Variants in MAP3K19 observed in about 807,000 individuals in gnomAD.
MAP3K19 encodes the protein mitogen-activated protein kinase kinase kinase 19.
A neutral mutation model predicts 114.4 loss-of-function variants in MAP3K19; 91 were observed. That is an observed-to-expected ratio of 0.80 (90% CI 0.67 to 0.95). The LOEUF (loss-of-function observed/expected upper bound fraction) is 0.95, where lower values mean the gene tolerates loss of function less well. Among genes scored for constraint, MAP3K19 ranks in the 40% least tolerant of loss-of-function variants. The pLI, the probability that MAP3K19 is intolerant of heterozygous loss-of-function variation, is 0.00. For synonymous variants in MAP3K19, 518 were observed against 530.5 expected (o/e 0.98, Z 0.32); for missense variants, 1,471 against 1,573.2 (o/e 0.94, Z 1.10).
intron 12 of MAP3K19, among the ~76,000 whole-genome samples, chr2:134,968,530 G>A (rs62168903): frequency 1.1e-3 from 125 of 118,456 alleles, no homozygotes; most frequent in South Asian, 4.1e-3. Flanking sequence ...GCTGCCGGGC[G>A]GAGACGCTCC....
chr2:134,988,870 C>T (rs535078992), intron 9 of MAP3K19, among the ~76,000 whole-genome samples: 1 of 152,198 alleles, frequency 6.6e-6, no homozygotes, highest in Admixed American at 6.5e-5. Flanking sequence ...TATTTCTCTT[C>T]TTTTTTCTTT....
At position 134,983,746 on chromosome 2, in the gene MAP3K19, T is replaced by C; in HGVS notation, c.3152A>G (p.Asn1051Ser). Reference protein sequence around the residue: ...ISNEKKIFSENSLKSEEPILW... With the variant: ...ISNEKKIFSESSLKSEEPILW... ...GATAGGTTCTTCAGACTTTAAACTA[T>C]TTTCAGAAAATATCTTCTTTTCATT... Residue 1051 changes from asparagine (N) to serine (S), a missense_variant, in exon 11 of 13, where the codon AAT becomes AGT. Coordinates refer to ENST00000392915, the MANE Select transcript of MAP3K19 (RefSeq NM_025052.5). 1 of 1,607,894 alleles carries C rather than the reference T, an allele frequency of 6.2e-7. No homozygotes were observed. Among genetic ancestry groups the C allele is most frequent in the Non-Finnish European group, 8.5e-7 (1 of 1,177,682 alleles).
intron 12 of MAP3K19, among the ~76,000 whole-genome samples, chr2:134,968,778 C>CT (rs1334819901): frequency 6.7e-6 from 1 of 150,330 alleles, no homozygotes; most frequent in Non-Finnish European, 1.5e-5. Flanking sequence ...CGCTCCTCAC[C>CT]TCCTAGATGT....
At position 135,032,498 on chromosome 2, in the gene MAP3K19, A is replaced by G. The variant is rs1167606115; in HGVS notation, c.-283-1998T>C. On this transcript the variant is annotated intron_variant, in intron 2 of 12. Transcript: ENST00000392915. ...AATGAAAACATATACTCACACCAAA[A>G]TGTTTACAGAAGCATTATTCATAGT... is the stretch of plus-strand genomic sequence containing the variant. Among the ~76,000 whole-genome samples the G allele has an allele frequency of 5.3e-5, 8 of 152,022 alleles. 1 individual carries two copies. Among genetic ancestry groups the G allele is most frequent in the African/African-American group, 1.2e-4 (5 of 41,542 alleles).
chr2:135,025,372 CTTTTCTTTTTTTTTTTTTTTTTT>C (rs1688217190), intron 3 of MAP3K19, among the ~76,000 whole-genome samples: 2 of 70,138 alleles, frequency 2.9e-5, no homozygotes, highest in African/African-American at 1.4e-4. Context: ...ATGGCCTTTT[CTTTTCTTTTTTTTTTTTTTTTTT>C]TTTTTTTTGA....
chr2:134,977,775 G>C (rs944796664), intron 12 of MAP3K19, among the ~76,000 whole-genome samples: 2 of 152,168 alleles, frequency 1.3e-5, no homozygotes, highest in African/African-American at 4.8e-5. Flanking sequence ...GGGATTACAA[G>C]CGTGGACCAC....
At chr2:135,029,263 C>T (rs920718392) in intron 3 of MAP3K19, among the ~76,000 whole-genome samples, 1 of 152,132 alleles carries the variant, frequency 6.6e-6, no homozygotes, top group East Asian at 1.9e-4. Context: ...GTAGTCCCAG[C>T]TACTCCAGAG....
intron 11 of MAP3K19, chr2:134,983,341 T>G: frequency 3.5e-6 from 2 of 564,856 alleles, no homozygotes; most frequent in Non-Finnish European, 7.1e-6. Context: ...CCTGGGAGGA[T>G]GAGAGGTTAG....
Position 134,981,634 on chromosome 2 carries a change from T to C in MAP3K19, c.3223-116A>G, listed in dbSNP as rs1573934759. 7.7e-6 allele frequency: 6 copies of C among 778,888 alleles called. No individual in the cohort carries two copies. The East Asian group carries it at 1.3e-4, about 17-fold the overall frequency. The allele number at this position is 778,888 out of a possible 1,614,324, so 48.2% of individuals were successfully genotyped here. A position where few individuals can be genotyped will look rare whatever the true frequency, so the allele number is the denominator to read the frequency against. ...TTCTAAACCCTTGTCTTTCTCTAAGTTGATACCTCCCTTCCTAAATGCAAA... is the reference window on the plus strand; with the variant it reads ...TTCTAAACCCTTGTCTTTCTCTAAGCTGATACCTCCCTTCCTAAATGCAAA... On this transcript the variant is annotated intron_variant, in intron 11 of 12. Coordinates refer to ENST00000392915, the MANE Select transcript of MAP3K19 (RefSeq NM_025052.5).
At chr2:135,039,605 A>G (rs943536362) in intron 2 of MAP3K19, among the ~76,000 whole-genome samples, 1 of 152,082 alleles carries the variant, frequency 6.6e-6, no homozygotes, top group African/African-American at 2.4e-5. Flanking sequence ...ACAAACAAAA[A>G]AACAAAGTCC....
chr2:134,987,454 C>G lies in MAP3K19; in HGVS notation c.1418G>C (p.Arg473Thr). Residue 473 changes from arginine to threonine, a missense_variant, in exon 10 of 13, where the codon AGA (arginine) becomes ACA (threonine). By Grantham distance (71) the Arg-to-Thr change is moderately conservative. Coordinates refer to ENST00000392915, the MANE Select transcript of MAP3K19 (RefSeq NM_025052.5). ...ETNIKISIAE[R>T]AKPEMSRMVP... ...CATCCTACTCATTTCTGGTTTGGCT[C>G]TTTCTGCTATTGATATTTTTATGTT... The G allele has an allele frequency of 1.9e-6, 3 of 1,614,134 alleles. No individual in the cohort carries two copies. Among genetic ancestry groups the G allele is most frequent in the Non-Finnish European group, 2.5e-6 (3 of 1,180,042 alleles).
At chr2:135,039,475 T>G (rs1270043001) in intron 2 of MAP3K19, among the ~76,000 whole-genome samples, 1 of 151,780 alleles carries the variant, frequency 6.6e-6, no homozygotes, top group Non-Finnish European at 1.5e-5. Context: ...TCCAGCGACT[T>G]GGGAGACTGA....
chr2:134,987,129 G>A lies in MAP3K19; in HGVS notation c.1743C>T (p.Asp581=). ...ACCTGGGCAATTGCCAAGGCCTGGG[G>A]TCCACAAGTCCCAAAGCCGGGAAAA... The part of the protein sequence containing the change: ...TQIFPALGLV[D]PRPWQLPRFQ... The change falls in exon 10 of 13, where the codon GAC becomes GAT. Residue 581 remains aspartate, a synonymous_variant. Coordinates refer to ENST00000392915, the MANE Select transcript of MAP3K19 (RefSeq NM_025052.5). 1 of 1,613,974 alleles carries A rather than the reference G, an allele frequency of 6.2e-7. No individual in the cohort carries two copies. Among genetic ancestry groups the A allele is most frequent in the Non-Finnish European group, 8.5e-7 (1 of 1,180,022 alleles).
At chr2:135,003,581 G>T (rs768923419) in intron 6 of MAP3K19, among the ~76,000 whole-genome samples, 4 of 151,934 alleles carry the variant, frequency 2.6e-5, no homozygotes, top group African/African-American at 7.3e-5. Context: ...TTGAGACGGA[G>T]CCTCACTCTG....
At chr2:135,046,942 T>C (rs1688757808) in intron 1 of MAP3K19, among the ~76,000 whole-genome samples, 4 of 152,250 alleles carry the variant, frequency 2.6e-5, no homozygotes, top group African/African-American at 9.6e-5. Context: ...ACACTTTTCT[T>C]GTCATTAGTA....
At chr2:135,038,124 G>A (rs1688572080) in intron 2 of MAP3K19, among the ~76,000 whole-genome samples, 1 of 152,080 alleles carries the variant, frequency 6.6e-6, no homozygotes, top group Admixed American at 6.6e-5. Context: ...TGGGCTGGCA[G>A]AAGGCACTTA....
chr2:135,044,142 T>C (rs962409769), intron 1 of MAP3K19, among the ~76,000 whole-genome samples: 4 of 152,248 alleles, frequency 2.6e-5, no homozygotes, highest in African/African-American at 9.6e-5. Flanking sequence ...CATATGCTTT[T>C]CTAAATGGTT....
At chr2:134,993,013 C>G (rs1685722593) in intron 8 of MAP3K19, among the ~76,000 whole-genome samples, 1 of 152,006 alleles carries the variant, frequency 6.6e-6, no homozygotes, top group Non-Finnish European at 1.5e-5. Context: ...CTCCTTCCCC[C>G]ACCCTTGCTT....
intron 5 of MAP3K19, among the ~76,000 whole-genome samples, chr2:135,021,479 C>T (rs1011225522): frequency 6.6e-6 from 1 of 151,898 alleles, no homozygotes; most frequent in African/African-American, 2.4e-5. Flanking sequence ...CACATACACA[C>T]ACACACACAC....
Sources: allele counts gnomAD v4.1 joint callset (sites outside exome capture counted in the v4.1 genomes callset), GRCh38; gene constraint gnomAD v4.1.1; transcripts MANE v1.5; gene names NCBI Gene and HGNC (gene_info 2026-07-23, HGNC 2026-07-21).